Variants in CAMK2D observed in about 807,000 individuals in gnomAD.
CAMK2D encodes calcium/calmodulin-dependent protein kinase type II subunit delta.
In CAMK2D, 37 loss-of-function variants were observed where a neutral mutation model predicts 84.0. The ratio of observed to expected loss-of-function variants is 0.44; its 90% CI spans 0.34 to 0.58. CAMK2D has a LOEUF of 0.58. CAMK2D is among the 20% of genes least tolerant of loss of function. The probability of loss-of-function intolerance (pLI) is 0.02; values close to 1 mark genes in which losing one functional copy is unlikely to be tolerated. For synonymous variants in CAMK2D, 202 were observed against 212.5 expected (o/e 0.95, Z 0.43); for missense variants, 448 against 652.5 (o/e 0.69, Z 3.41).
At chr4:113,704,623 G>A (rs937012202) in intron 2 of CAMK2D, among the ~76,000 whole-genome samples, 1 of 152,052 alleles carries the variant, frequency 6.6e-6, no homozygotes, top group Non-Finnish European at 1.5e-5. Context: ...GAAGTGAGAA[G>A]GGAGAGAGTG....
rs551454234 is a variant in CAMK2D, at chr4:113,609,796, G to C, written c.221-590C>G. Among the ~76,000 whole-genome samples the C allele has an allele frequency of 2.2e-4, 34 of 152,208 alleles. No individual in the cohort carries two copies. The South Asian group carries it at 6.4e-3, about 29-fold the overall frequency. On this transcript the variant is annotated intron_variant, in intron 3 of 20. Coordinates refer to ENST00000511664, the MANE Select transcript of CAMK2D (RefSeq NM_001321571.2). The stretch of plus-strand genomic sequence containing the variant: ...TTTGTTATGTTACTTATTTACTCAG[G>C]TCACCCAAATCCATTTACCAAGTCA...
At chr4:113,631,433 A>T (rs372591899) in intron 3 of CAMK2D, among the ~76,000 whole-genome samples, 14 of 152,320 alleles carry the variant, frequency 9.2e-5, no homozygotes, top group African/African-American at 2.9e-4. Context: ...AATTTTAAAC[A>T]TCACCCAGAC....
At chr4:113,693,699 G>A (rs1194736380) in intron 2 of CAMK2D, among the ~76,000 whole-genome samples, 1 of 152,112 alleles carries the variant, frequency 6.6e-6, no homozygotes, top group Admixed American at 6.5e-5. Flanking sequence ...TGTGAAATCT[G>A]AGGACAGATA....
intron 4 of CAMK2D, among the ~76,000 whole-genome samples, chr4:113,552,451 C>T (rs962176689): frequency 2.6e-5 from 4 of 152,182 alleles, no homozygotes; most frequent in East Asian, 1.9e-4. Context: ...AGATGATACA[C>T]ATCATAGCTA....
chr4:113,566,838 G>A (rs1367966516), intron 4 of CAMK2D, among the ~76,000 whole-genome samples: 1 of 152,012 alleles, frequency 6.6e-6, no homozygotes, highest in Non-Finnish European at 1.5e-5. Flanking sequence ...CCCTAGTTAC[G>A]CACCAAATAT....
intron 16 of CAMK2D, among the ~76,000 whole-genome samples, chr4:113,474,479 T>G (rs989337373): frequency 4.0e-5 from 6 of 150,322 alleles, no homozygotes; most frequent in Admixed American, 6.7e-5. Context: ...TTTAAAATAT[T>G]TGGAAAGTCC....
intron 16 of CAMK2D, among the ~76,000 whole-genome samples, chr4:113,483,615 A>G (rs1042796683): frequency 2.0e-5 from 3 of 152,034 alleles, no homozygotes; most frequent in Non-Finnish European, 4.4e-5. Context: ...CACATTGGCC[A>G]GGTTGGTCTC....
At chr4:113,716,297 A>C (rs1020718282) in intron 2 of CAMK2D, among the ~76,000 whole-genome samples, 1 of 152,180 alleles carries the variant, frequency 6.6e-6, no homozygotes, top group African/African-American at 2.4e-5. Context: ...TTATACACTA[A>C]AAGAAAGTAG....
intron 4 of CAMK2D, among the ~76,000 whole-genome samples, chr4:113,574,296 T>C (rs762190809): frequency 1.3e-5 from 2 of 152,210 alleles, no homozygotes; most frequent in Non-Finnish European, 2.9e-5. Flanking sequence ...TTTCTACAAA[T>C]ATATTCTTCA....
At chr4:113,531,706 T>C (rs1270854306) in intron 7 of CAMK2D, among the ~76,000 whole-genome samples, 2 of 152,166 alleles carry the variant, frequency 1.3e-5, no homozygotes, top group African/African-American at 4.8e-5. Flanking sequence ...GCTCACTGTG[T>C]ACTGTTAAAT....
intron 3 of CAMK2D, among the ~76,000 whole-genome samples, chr4:113,644,326 G>A (rs2099143242): frequency 6.6e-6 from 1 of 152,186 alleles, no homozygotes; most frequent in Non-Finnish European, 1.5e-5. Flanking sequence ...AAAAGTAAGA[G>A]CAAAAGTCAG....
At chr4:113,499,543 T>C (rs933816028) in intron 16 of CAMK2D, among the ~76,000 whole-genome samples, 2 of 152,216 alleles carry the variant, frequency 1.3e-5, no homozygotes, top group Non-Finnish European at 2.9e-5. Flanking sequence ...CAAGACTTTA[T>C]TGTATTAACA....
intron 4 of CAMK2D, among the ~76,000 whole-genome samples, chr4:113,558,686 G>A (rs1365922165): frequency 1.3e-5 from 2 of 151,964 alleles, no homozygotes; most frequent in Admixed American, 1.3e-4. Context: ...TGTCATGTGT[G>A]TATATATATA....
At chr4:113,716,649 CAAAAAAAAAA>C (rs397750449) in intron 2 of CAMK2D, among the ~76,000 whole-genome samples, 5 of 76,156 alleles carry the variant, frequency 6.6e-5, no homozygotes, top group East Asian at 8.3e-4. Context: ...AGACTCCATC[CAAAAAAAAAA>C]AAAAAAAAAA....
At chr4:113,706,093 A>T (rs1417353839) in intron 2 of CAMK2D, among the ~76,000 whole-genome samples, 2 of 152,242 alleles carry the variant, frequency 1.3e-5, no homozygotes, top group Non-Finnish European at 2.9e-5. Flanking sequence ...TGCTTTTCCA[A>T]TAGCTGCACT....
chr4:113,560,839 T>C (rs2154210700), intron 4 of CAMK2D, among the ~76,000 whole-genome samples: 1 of 152,260 alleles, frequency 6.6e-6, no homozygotes, highest in South Asian at 2.1e-4. Flanking sequence ...ACCACTGCTA[T>C]ATAGATTCAG....
At chr4:113,665,904 T>C (rs114513318) in intron 2 of CAMK2D, among the ~76,000 whole-genome samples, 1,556 of 152,322 alleles carry the variant, frequency 0.01, 32 homozygotes, top group African/African-American at 0.034. Context: ...GGAATAATAT[T>C]ACCAGTAGAA....
intron 3 of CAMK2D, among the ~76,000 whole-genome samples, chr4:113,638,481 T>A (rs2099118885): frequency 6.6e-6 from 1 of 152,228 alleles, no homozygotes; most frequent in South Asian, 2.1e-4. Context: ...GTAGGTTAGA[T>A]ACCTACGAGA....
chr4:113,642,778 C>T (rs955846409), intron 3 of CAMK2D, among the ~76,000 whole-genome samples: 2 of 151,514 alleles, frequency 1.3e-5, no homozygotes, highest in African/African-American at 4.8e-5. Flanking sequence ...GCTAGAAAGG[C>T]ACCAACTGCC....
Sources: allele counts gnomAD v4.1 joint callset (sites outside exome capture counted in the v4.1 genomes callset), GRCh38; gene constraint gnomAD v4.1.1; transcripts MANE v1.5; gene names NCBI Gene and HGNC (gene_info 2026-07-23, HGNC 2026-07-21).